Variants in NXPE1 observed in about 807,000 individuals in gnomAD.
NXPE1 encodes neurexophilin and PC-esterase domain family member 1.
Under a neutral mutation model 33.3 loss-of-function variants are expected in NXPE1, and 31 were observed. The observed-to-expected ratio is 0.93, with a 90% confidence interval of 0.70 to 1.26. NXPE1 has a LOEUF of 1.26. NXPE1 is among the 50% of genes most tolerant of loss of function. NXPE1 has a pLI of 0.00. For synonymous variants in NXPE1, 229 were observed against 231.4 expected, an observed-to-expected ratio of 0.99 and a Z score of 0.09; for missense variants, 661 against 655.6, an observed-to-expected ratio of 1.01 and a Z score of -0.09.
chr11:114,538,289 T>G (rs959640544), intron 5 of NXPE1, among the ~76,000 whole-genome samples: 9 of 152,264 alleles, frequency 5.9e-5, no homozygotes, highest in African/African-American at 1.9e-4. Context: ...CAAGATGGAT[T>G]AAAGACTTAC....
At chr11:114,534,280 T>A (rs1296269506) in intron 5 of NXPE1, among the ~76,000 whole-genome samples, 2 of 151,956 alleles carry the variant, frequency 1.3e-5, no homozygotes, top group African/African-American at 4.8e-5. Flanking sequence ...CCAAAACCCA[T>A]CTGTACATAA....
chr11:114,557,596 A>G (rs1042833946), intron 1 of NXPE1, among the ~76,000 whole-genome samples: 3 of 148,246 alleles, frequency 2.0e-5, no homozygotes, highest in Admixed American at 6.8e-5. Flanking sequence ...GTTTAATTCT[A>G]GGAATATTTA....
At chr11:114,550,994 G>A (rs1948461975) in intron 5 of NXPE1, 109 bp downstream of exon 5, 2 of 632,950 alleles carry the variant, frequency 3.2e-6, no homozygotes, top group Non-Finnish European at 5.6e-6. Context: ...TAGGGCAGTA[G>A]TTGAGGTGGG....
At chr11:114,530,540 C>T in exon 6 of NXPE1, 1 of 1,614,014 alleles carries the variant, frequency 6.2e-7, no homozygotes, top group Non-Finnish European at 8.5e-7. Context: ...TGAAGTCCAT[C>T]ACCTTTCCTG....
chr11:114,522,765 C>T lies in NXPE1; in HGVS notation c.1108+114G>A, dbSNP rs561175367. 3.6e-5 allele frequency: 27 copies of T among 744,676 alleles called. No individual in the cohort carries two copies. The African/African-American group carries it at 4.1e-4, about 11-fold the overall frequency. 46.1% of individuals were successfully genotyped at this position (744,676 alleles called of 1,614,324 possible). A position where few individuals can be genotyped will look rare whatever the true frequency, so the allele number is the denominator to read the frequency against. Reference sequence around the variant, plus strand: ...CATTTTAAATGTAAAGGTTCAAATCCAGAGAGCCAAATGAAGTAAAAAACA... The same window carrying T: ...CATTTTAAATGTAAAGGTTCAAATCTAGAGAGCCAAATGAAGTAAAAAACA... On this transcript the variant is annotated intron_variant, in intron 8 of 8. Transcript: ENST00000534921.
intron 5 of NXPE1, among the ~76,000 whole-genome samples, chr11:114,544,073 G>C (rs1948192303): frequency 6.6e-6 from 1 of 152,114 alleles, no homozygotes; most frequent in Non-Finnish European, 1.5e-5. Context: ...ATTAATGGAA[G>C]AAATTTTAAA....
intron 2 of NXPE1, 30 bp from the exon 3 acceptor site, chr11:114,552,115 A>G (rs1418212973): frequency 6.6e-6 from 1 of 152,210 alleles, no homozygotes; most frequent in East Asian, 1.9e-4. Context: ...GTGAGAGAAC[A>G]AAGGATCAGT....
intron 5 of NXPE1, among the ~76,000 whole-genome samples, chr11:114,541,669 G>T (rs887935121): frequency 3.9e-5 from 6 of 152,244 alleles, no homozygotes; most frequent in Non-Finnish European, 8.8e-5. Flanking sequence ...ATTTGAAGTG[G>T]GGGGGATGGT....
Position 114,540,837 on chromosome 11 carries a change from C to CTTTTTTTTTTTTTTT in NXPE1, c.100-9944_100-9930dup, listed in dbSNP as rs142403291. 8.4e-5 allele frequency among the ~76,000 whole-genome samples: 4 copies of CTTTTTTTTTTTTTTT among 47,472 alleles called. 2 individuals are homozygous for CTTTTTTTTTTTTTTT. 31.1% of individuals were successfully genotyped at this position (47,472 alleles called of 152,430 possible). On this transcript the variant is annotated intron_variant, in intron 5 of 8. Coordinates refer to ENST00000534921, the Ensembl canonical transcript of NXPE1. ...TAGCTAAAACACAATAGAAAGCCAT[C>CTTTTTTTTTTTTTTT]TTTTTTTTTTTTTTTTTTTTTTTTT...
intron 5 of NXPE1, among the ~76,000 whole-genome samples, chr11:114,534,535 GA>G (rs1005069585): frequency 3.9e-5 from 6 of 151,902 alleles, no homozygotes; most frequent in East Asian, 1.9e-4. Flanking sequence ...TAAAAACTTT[GA>G]AAAAAAATTA....
At chr11:114,556,697 G>A (rs1315879882) in intron 1 of NXPE1, among the ~76,000 whole-genome samples, 1 of 151,730 alleles carries the variant, frequency 6.6e-6, no homozygotes, top group Non-Finnish European at 1.5e-5. Context: ...TTTTTAAAAT[G>A]TATTTTTTTC....
intron 3 of NXPE1, among the ~76,000 whole-genome samples, 194 bp from the exon 4 acceptor site, chr11:114,551,635 T>A (rs1218752669): frequency 6.6e-6 from 1 of 152,186 alleles, no homozygotes; most frequent in Non-Finnish European, 1.5e-5. Context: ...AAAATGCCTT[T>A]AAAGAAAGCC....
chr11:114,548,341 A>G (rs909435417), intron 5 of NXPE1, among the ~76,000 whole-genome samples: 2 of 152,030 alleles, frequency 1.3e-5, no homozygotes, highest in African/African-American at 4.8e-5. Flanking sequence ...TATATACTGA[A>G]CTCTGAATTC....
At position 114,533,414 on chromosome 11, in the gene NXPE1, C is replaced by T. The variant is rs1316684396; in HGVS notation, c.100-2506G>A. Among the ~76,000 whole-genome samples the T allele has an allele frequency of 2.0e-5, 3 of 152,160 alleles. No homozygotes were observed. In the East Asian group the frequency reaches 5.8e-4, roughly 29 times the overall value. ...TCCAACTGAGGTACTTGGTTCATCT[C>T]ATGGGGAGTGCCGGACAGTGGGTGC... On this transcript the variant is annotated intron_variant, in intron 5 of 8. Transcript: ENST00000534921.
chr11:114,555,735 A>T (rs1948633593), intron 1 of NXPE1, among the ~76,000 whole-genome samples: 1 of 152,106 alleles, frequency 6.6e-6, no homozygotes, highest in East Asian at 1.9e-4. Flanking sequence ...GGCACTACAG[A>T]TGAGATTTCT....
At position 114,551,214 on chromosome 11, in the gene NXPE1, A is replaced by C. The variant is rs1192852297; in HGVS notation, c.-10-3T>G. 10 of 1,501,926 alleles carry C rather than the reference A, an allele frequency of 6.7e-6. No homozygotes were observed. The highest frequency in any genetic ancestry group is 1.4e-5 in the African/African-American group (1 of 72,364). 93.0% of individuals were successfully genotyped at this position (1,501,926 alleles called of 1,614,324 possible). ...TATTTGAGGACATGACGAATGTCCTAGGAGAGATGACACAAGAGAGGAGTC... is the reference window on the plus strand; with the variant it reads ...TATTTGAGGACATGACGAATGTCCTCGGAGAGATGACACAAGAGAGGAGTC... On this transcript the variant is annotated splice_region_variant and splice_polypyrimidine_tract_variant and intron_variant, in intron 4 of 8. Transcript: ENST00000534921.
At chr11:114,530,340 G>T (rs1474143229) in exon 6 of NXPE1, 1 of 1,614,196 alleles carries the variant, frequency 6.2e-7, no homozygotes. Flanking sequence ...TGAGTTTAGG[G>T]TCAGGCCACA....
intron 5 of NXPE1, among the ~76,000 whole-genome samples, chr11:114,540,090 G>A (rs2135041662): frequency 6.6e-6 from 1 of 152,278 alleles, no homozygotes; most frequent in South Asian, 2.1e-4. Flanking sequence ...TGAATAGCTG[G>A]GATTACAGAC....
chr11:114,547,853 AG>A (rs1266324424), intron 5 of NXPE1, among the ~76,000 whole-genome samples: 1 of 152,202 alleles, frequency 6.6e-6, no homozygotes, highest in Non-Finnish European at 1.5e-5. Flanking sequence ...TGTAAGTATC[AG>A]TATGGTTTTA....
Sources: allele counts gnomAD v4.1 joint callset (sites outside exome capture counted in the v4.1 genomes callset), GRCh38; gene constraint gnomAD v4.1.1; transcripts MANE v1.5; gene names NCBI Gene and HGNC (gene_info 2026-07-23, HGNC 2026-07-21).